Variants in ZBTB46 observed in about 807,000 individuals in gnomAD.
The protein encoded by ZBTB46 is zinc finger and BTB domain-containing protein 46.
A neutral mutation model predicts 44.1 loss-of-function variants in ZBTB46; 8 were observed. The observed-to-expected ratio is 0.18, with a 90% confidence interval of 0.11 to 0.33. ZBTB46 has a LOEUF of 0.33. ZBTB46 is among the 10% of genes least tolerant of loss of function. The pLI, the probability that ZBTB46 is intolerant of heterozygous loss-of-function variation, is 1.00. For missense variants in ZBTB46, 651 were observed against 847.7 expected (o/e 0.77, Z 2.88); for synonymous variants, 409 against 382.3 (o/e 1.07, Z -0.81).
intron 4 of ZBTB46, among the ~76,000 whole-genome samples, chr20:63,748,360 C>A (rs892412028): frequency 1.3e-5 from 2 of 152,234 alleles, no homozygotes; most frequent in Admixed American, 6.5e-5. Flanking sequence ...AACTACCACA[C>A]ACTGCTGGGG....
In ZBTB46 at chr20:63,803,047, G is replaced by A. The variant is rs1241936023; in HGVS notation, c.-33-12257C>T. On this transcript the variant is annotated intron_variant, in intron 1 of 4. Coordinates refer to ENST00000245663, the MANE Select transcript of ZBTB46 (RefSeq NM_001369741.1). This position sits in a 1 kb window ranked among gnomAD's most constrained non-coding sequence, Gnocchi z 4.0. Reference sequence around the variant, plus strand: ...AGCGCGATGCCACAGACGCCAACAGGAGGAAACACGTTTCTGGGCAGCTCT... The same window carrying A: ...AGCGCGATGCCACAGACGCCAACAGAAGGAAACACGTTTCTGGGCAGCTCT... Among the ~76,000 whole-genome samples, 2 of 152,166 alleles carry A rather than the reference G, an allele frequency of 1.3e-5. No homozygotes were observed. Among genetic ancestry groups the A allele is most frequent in the Non-Finnish European group, 2.9e-5 (2 of 68,042 alleles).
intron 2 of ZBTB46, among the ~76,000 whole-genome samples, chr20:63,785,421 C>T (rs1300245360): frequency 1.3e-5 from 2 of 151,418 alleles, no homozygotes; most frequent in African/African-American, 4.9e-5. Context: ...ATTAGCCGGG[C>T]GTGGTCACGG....
intron 3 of ZBTB46, among the ~76,000 whole-genome samples, chr20:63,772,340 T>TA (rs1174148548): frequency 2.0e-5 from 3 of 152,092 alleles, no homozygotes; most frequent in Non-Finnish European, 4.4e-5. Context: ...TTTAGAATAT[T>TA]AAAAATGAGG....
At chr20:63,770,189 T>C (rs917423895) in intron 3 of ZBTB46, among the ~76,000 whole-genome samples, 6 of 152,180 alleles carry the variant, frequency 3.9e-5, no homozygotes, top group South Asian at 2.1e-4. Context: ...CCTCGGCTTG[T>C]CAGTGTGAAG....
At chr20:63,761,799 T>C (rs1394649987) in intron 3 of ZBTB46, among the ~76,000 whole-genome samples, 2 of 129,478 alleles carry the variant, frequency 1.5e-5, no homozygotes, top group Non-Finnish European at 3.4e-5. Context: ...AAAAAAAAAG[T>C]TTATCATTTC....
chr20:63,792,906 G>C (rs557144842), intron 1 of ZBTB46, among the ~76,000 whole-genome samples: 1 of 152,206 alleles, frequency 6.6e-6, no homozygotes, highest in Admixed American at 6.5e-5. Context: ...TTTTGTGCCT[G>C]TCTCTGCCTT....
chr20:63,822,926 C>T (rs977549567), intron 1 of ZBTB46, among the ~76,000 whole-genome samples: 5 of 111,550 alleles, frequency 4.5e-5, no homozygotes, highest in Admixed American at 1.8e-4. Flanking sequence ...TTTGGGAAGC[C>T]GAGACGGGTG....
In ZBTB46 at chr20:63,752,912, C is replaced by T; in HGVS notation, c.1223-51G>A. On this transcript the variant is annotated intron_variant, in intron 3 of 4. Transcript: ENST00000245663. This position sits in a 1 kb window ranked among gnomAD's most constrained non-coding sequence, Gnocchi z 5.6. Reference sequence around the variant, plus strand: ...TCAGCAGGGCTTGGGATGTACCGCCCTGCGGCCCACAGACCACGGCTGCAC... The same window carrying T: ...TCAGCAGGGCTTGGGATGTACCGCCTTGCGGCCCACAGACCACGGCTGCAC... 2.0e-6 allele frequency: 3 copies of T among 1,538,190 alleles called. No homozygotes were observed. Among genetic ancestry groups the T allele is most frequent in the Non-Finnish European group, 2.6e-6 (3 of 1,138,950 alleles).
intron 1 of ZBTB46, among the ~76,000 whole-genome samples, chr20:63,821,221 T>C (rs2092790601): frequency 6.7e-6 from 1 of 149,896 alleles, no homozygotes. Context: ...GGCTTCACGA[T>C]GTTGGCCAAG....
intron 4 of ZBTB46, among the ~76,000 whole-genome samples, chr20:63,748,746 G>A (rs1396540568): frequency 2.0e-5 from 3 of 152,212 alleles, no homozygotes; most frequent in Non-Finnish European, 2.9e-5. Context: ...CTGTCTCCCG[G>A]GGCCTGCAGC....
rs1309495729 is a variant in ZBTB46 at position 63,765,063 on chromosome 20, ATGTGCATGTGTGCG to A, written c.1222+10601_1222+10614del. Among the ~76,000 whole-genome samples the A allele has an allele frequency of 1.1e-4, 13 of 114,332 alleles. No homozygotes were observed. The South Asian group carries it at 2.5e-3, about 22-fold the overall frequency. The allele number at this position is 114,332 out of a possible 152,430, so 75.0% of individuals were successfully genotyped here. ...TGCGTGCGTGTGTGTGTATGTTTGT[ATGTGCATGTGTGCG>A]TGTGCATGTGTGCATGTGTATGTGT... On this transcript the variant is annotated intron_variant, in intron 3 of 4. Coordinates refer to ENST00000245663, the MANE Select transcript of ZBTB46 (RefSeq NM_001369741.1).
chr20:63,810,550 G>A (rs138235566), intron 1 of ZBTB46, among the ~76,000 whole-genome samples: 2 of 152,198 alleles, frequency 1.3e-5, no homozygotes, highest in South Asian at 2.1e-4. Context: ...GTTTGAGACC[G>A]TCCTGGCCTA....
chr20:63,819,365 A>C (rs940666229), intron 1 of ZBTB46, among the ~76,000 whole-genome samples: 1 of 152,202 alleles, frequency 6.6e-6, no homozygotes, highest in African/African-American at 2.4e-5. Context: ...ATCCCGAAGA[A>C]GACGAGCCAG....
chr20:63,817,128 AAAAGG>A (rs746195838), intron 1 of ZBTB46, among the ~76,000 whole-genome samples: 1 of 143,472 alleles, frequency 7.0e-6, no homozygotes, highest in East Asian at 2.3e-4. Context: ...AAAAGAAAAG[AAAAGG>A]AAAGGGCCAG....
chr20:63,754,493 G>A (rs6089971), intron 3 of ZBTB46, among the ~76,000 whole-genome samples: 23,785 of 151,930 alleles, frequency 0.16, 2,309 homozygotes, highest in East Asian at 0.49. Context: ...ATGAGGTCTC[G>A]CCATGTTGCC....
chr20:63,827,706 A>G (rs1444818124), intron 1 of ZBTB46, among the ~76,000 whole-genome samples: 1 of 152,204 alleles, frequency 6.6e-6, no homozygotes, highest in Non-Finnish European at 1.5e-5. Context: ...ATTGTAAAAT[A>G]GCTATGGTAG....
intron 1 of ZBTB46, among the ~76,000 whole-genome samples, chr20:63,826,493 C>T (rs1482775167): frequency 2.0e-5 from 3 of 151,026 alleles, no homozygotes; most frequent in Non-Finnish European, 4.4e-5. Flanking sequence ...GAGGCCGAGG[C>T]GGGTGAATCA....
chr20:63,827,514 A>C (rs1001239158), intron 1 of ZBTB46, among the ~76,000 whole-genome samples: 3 of 151,110 alleles, frequency 2.0e-5, no homozygotes, highest in Non-Finnish European at 3.0e-5. Flanking sequence ...AGGCTGAGGC[A>C]GGAGAATGGC....
chr20:63,808,982 AAAAAAAAAAAAAAAAAAGAAAAAG>A (rs1351161156), intron 1 of ZBTB46, among the ~76,000 whole-genome samples: 24 of 100,306 alleles, frequency 2.4e-4, no homozygotes, highest in Non-Finnish European at 3.7e-4. Context: ...GCTTCAAAAA[AAAAAAAAAAAAAAAAAAGAAAAAG>A]AAAAAAAAAA....
Sources: allele counts gnomAD v4.1 joint callset (sites outside exome capture counted in the v4.1 genomes callset), GRCh38; gene constraint gnomAD v4.1.1; non-coding constraint Gnocchi (gnomAD v3.1); transcripts MANE v1.5; gene names NCBI Gene and HGNC (gene_info 2026-07-23, HGNC 2026-07-21).